SFMBT1: variants seen among roughly 807,000 people sequenced by gnomAD.
SFMBT1 encodes the protein Scm like with four mbt domains 1.
A neutral mutation model predicts 108.7 loss-of-function variants in SFMBT1; 32 were observed. That is an observed-to-expected ratio of 0.29 (90% CI 0.22 to 0.40). The LOEUF is 0.40. SFMBT1 is among the 10% of genes least tolerant of loss of function. The pLI is 1.00. For missense variants in SFMBT1, 816 were observed against 1,059.6 expected, an observed-to-expected ratio of 0.77 and a Z score of 3.19; for synonymous variants, 348 against 369.5, an observed-to-expected ratio of 0.94 and a Z score of 0.67.
At chr3:52,928,669 TATACACACACAC>T (rs1702762638) in intron 8 of SFMBT1, among the ~76,000 whole-genome samples, 1 of 140,222 alleles carries the variant, frequency 7.1e-6, no homozygotes, top group African/African-American at 2.5e-5. Flanking sequence ...TATATACATA[TATACACACACAC>T]ACATATATAT....
At chr3:52,926,439 G>A (rs1201166114) in intron 9 of SFMBT1, among the ~76,000 whole-genome samples, 1 of 152,134 alleles carries the variant, frequency 6.6e-6, no homozygotes, top group Non-Finnish European at 1.5e-5. Flanking sequence ...AGTTATGACT[G>A]GATTTGATTT....
rs1702201314 is a variant in SFMBT1 at position 52,910,994 on chromosome 3, A to G, written c.1906+9T>C. ...GCTATGGTTAACACATTGGAAAAAC[A>G]TGACTCACTGTATTTGGTCTTTGTA... On this transcript the variant is annotated intron_variant, in intron 17 of 20. Coordinates refer to ENST00000394752, the MANE Select transcript of SFMBT1 (RefSeq NM_016329.4). 1 of 1,613,700 alleles carries G rather than the reference A, an allele frequency of 6.2e-7. No individual in the cohort carries two copies. Among genetic ancestry groups the G allele is most frequent in the Admixed American group, 1.7e-5 (1 of 60,004 alleles).
At chr3:53,037,916 C>T (rs1375072036) in intron 1 of SFMBT1, among the ~76,000 whole-genome samples, 2 of 152,136 alleles carry the variant, frequency 1.3e-5, no homozygotes, top group Non-Finnish European at 2.9e-5. Context: ...CAAGACCAGC[C>T]TGGCCAACAT....
chr3:52,946,482 C>T (rs182129381), intron 3 of SFMBT1, among the ~76,000 whole-genome samples: 27 of 152,334 alleles, frequency 1.8e-4, no homozygotes, highest in Admixed American at 1.3e-3. Context: ...ACATTACTTA[C>T]GAGATTTATT....
intron 4 of SFMBT1, among the ~76,000 whole-genome samples, chr3:52,939,550 G>C (rs1009073424): frequency 6.6e-6 from 1 of 152,010 alleles, no homozygotes; most frequent in Non-Finnish European, 1.5e-5. Flanking sequence ...CTCCAGCCTG[G>C]GTGACAAAGA....
At chr3:53,004,677 T>G (rs1261687565) in intron 1 of SFMBT1, among the ~76,000 whole-genome samples, 1 of 150,200 alleles carries the variant, frequency 6.7e-6, no homozygotes, top group Admixed American at 6.7e-5. Context: ...TCTCTGAAAT[T>G]TTGAGACACA....
chr3:52,915,546 C>A (rs1702324502), intron 14 of SFMBT1, among the ~76,000 whole-genome samples: 1 of 152,178 alleles, frequency 6.6e-6, no homozygotes, highest in African/African-American at 2.4e-5. Flanking sequence ...CTAAATATCA[C>A]CCAAATGCGC....
At chr3:52,998,466 G>C (rs1698419642) in intron 1 of SFMBT1, among the ~76,000 whole-genome samples, 2 of 150,410 alleles carry the variant, frequency 1.3e-5, no homozygotes, top group South Asian at 2.1e-4. Context: ...AGTAAAGGCT[G>C]GGTGCAGCTT....
rs73084928 is a variant in SFMBT1 at position 52,917,366 on chromosome 3, T to C, written c.1415+1118A>G. ...AAGGGTAGGCTATAATCCAATAGCA[T>C]TGATAGCCTTACAGGAAGAGAGGGG... On this transcript the variant is annotated intron_variant, in intron 13 of 20. Coordinates refer to ENST00000394752, the MANE Select transcript of SFMBT1 (RefSeq NM_016329.4). Among the ~76,000 whole-genome samples, 219 of 152,110 alleles carry C rather than the reference T, an allele frequency of 1.4e-3. 1 individual carries two copies. The highest frequency in any genetic ancestry group is 2.8e-3 in the Admixed American group (42 of 15,260).
chr3:52,948,350 G>C (rs538976297), intron 3 of SFMBT1, among the ~76,000 whole-genome samples: 2 of 152,110 alleles, frequency 1.3e-5, no homozygotes, highest in South Asian at 4.2e-4. Context: ...ATCTAGTACA[G>C]CAAGTCTTCT....
intron 1 of SFMBT1, among the ~76,000 whole-genome samples, chr3:53,009,816 C>A (rs901685131): frequency 6.6e-6 from 1 of 152,046 alleles, no homozygotes; most frequent in Admixed American, 6.5e-5. Flanking sequence ...CTAGAGAAAA[C>A]AAAATATTAG....
intron 1 of SFMBT1, among the ~76,000 whole-genome samples, chr3:52,975,562 G>A (rs1214182146): frequency 6.6e-6 from 1 of 152,082 alleles, no homozygotes; most frequent in Non-Finnish European, 1.5e-5. Context: ...TAAACGTGGT[G>A]ACACATGCCT....
chr3:53,025,459 A>G (rs957448002), intron 1 of SFMBT1, among the ~76,000 whole-genome samples: 8 of 152,126 alleles, frequency 5.3e-5, no homozygotes, highest in Admixed American at 3.9e-4. Context: ...AATTTTAAAA[A>G]TTTAAAAATT....
intron 1 of SFMBT1, among the ~76,000 whole-genome samples, chr3:52,978,967 T>C (rs1704614556): frequency 2.0e-5 from 3 of 152,138 alleles, no homozygotes; most frequent in Admixed American, 1.3e-4. Flanking sequence ...AGGTAATGGA[T>C]AACGACTACT....
chr3:52,986,441 G>A (rs1028858103), intron 1 of SFMBT1, among the ~76,000 whole-genome samples: 6 of 151,760 alleles, frequency 4.0e-5, no homozygotes, highest in African/African-American at 1.5e-4. Flanking sequence ...ATAACACATA[G>A]CTTAAAATAC....
chr3:52,926,187 G>C (rs1702652428), intron 9 of SFMBT1, 74 bp from the exon 10 acceptor site: 1 of 1,341,282 alleles, frequency 7.5e-7, no homozygotes, highest in Non-Finnish European at 1.0e-6. Context: ...CCCTCACCAA[G>C]GGTCCACTCA....
intron 14 of SFMBT1, among the ~76,000 whole-genome samples, chr3:52,914,099 T>C (rs955084322): frequency 1.3e-5 from 2 of 152,242 alleles, no homozygotes; most frequent in African/African-American, 4.8e-5. Context: ...AGCAATCCCA[T>C]CTCTGAGATT....
chr3:53,021,655 G>A (rs981729130), intron 1 of SFMBT1, among the ~76,000 whole-genome samples: 12 of 151,950 alleles, frequency 7.9e-5, no homozygotes, highest in African/African-American at 1.5e-4. Flanking sequence ...TGGGAGAATC[G>A]GAAGACACAA....
intron 2 of SFMBT1, among the ~76,000 whole-genome samples, chr3:52,962,186 A>C (rs1703980247): frequency 6.6e-6 from 1 of 152,246 alleles, no homozygotes; most frequent in Non-Finnish European, 1.5e-5. Context: ...GGCAATATCC[A>C]ACAAAATTAC....
Sources: gnomAD v4.1 joint callset for allele counts (sites outside exome capture counted in the v4.1 genomes callset) on GRCh38, gnomAD v4.1.1 for gene constraint, MANE v1.5 for transcripts, NCBI Gene and HGNC (gene_info 2026-07-23, HGNC 2026-07-21) for gene names.